Variants in HOOK1 observed in about 807,000 individuals in gnomAD.
The protein encoded by HOOK1 is protein Hook homolog 1.
In HOOK1, 60 loss-of-function variants were observed where a neutral mutation model predicts 112.8. The ratio of observed to expected loss-of-function variants is 0.53; its 90% CI spans 0.43 to 0.66. The LOEUF (loss-of-function observed/expected upper bound fraction) is 0.66, where lower values mean the gene tolerates loss of function less well. HOOK1 is among the 30% of genes least tolerant of loss of function. HOOK1 has a pLI of 0.00. For synonymous variants in HOOK1, 294 were observed against 283.8 expected, an observed-to-expected ratio of 1.04 and a Z score of -0.36; for missense variants, 770 against 856.0, an observed-to-expected ratio of 0.90 and a Z score of 1.25.
At chr1:59,827,333 C>T (rs765160351) in intron 2 of HOOK1, among the ~76,000 whole-genome samples, 22 of 152,110 alleles carry the variant, frequency 1.4e-4, no homozygotes, top group Non-Finnish European at 2.6e-4. Context: ...AAATATCTTC[C>T]CAGCAACATC....
rs773378890 is a variant in HOOK1 at position 59,821,942 on chromosome 1, A to C, written c.148A>C (p.Ile50Leu). Residue 50 changes from isoleucine (I) to leucine (L), a missense_variant and splice_region_variant, in exon 2 of 22, where the codon ATT becomes CTT. Ile to Leu is a conservative substitution (Grantham distance 5, BLOSUM62 2). Transcript: ENST00000371208. ...GVAMAQVLHQ[I>L]DAAWFNESWL... ...TGCCATGGCACAAGTTCTTCATCAA[A>C]TGTGAGTAGTGGTCAGACTCTCCCT... The C allele has an allele frequency of 9.3e-6, 15 of 1,609,486 alleles. 1 individual carries two copies. In the Middle Eastern group the frequency reaches 5.0e-4, roughly 53 times the overall value.
rs1331806796 is a variant in HOOK1 at position 59,851,890 on chromosome 1, G to A, written c.1242+2707G>A. ...CATGCTGTTATCCTAAAAGAGTATC[G>A]GATTTTGTCAGATGCTTTTTCTGGA... is the stretch of plus-strand genomic sequence containing the variant. On this transcript the variant is annotated intron_variant, in intron 12 of 21. Coordinates refer to ENST00000371208, the MANE Select transcript of HOOK1 (RefSeq NM_015888.6). Among the ~76,000 whole-genome samples the A allele has an allele frequency of 9.9e-5, 15 of 151,540 alleles. No individual in the cohort carries two copies. In the East Asian group the frequency reaches 2.5e-3, roughly 25 times the overall value.
chr1:59,827,100 G>T (rs1363519515), intron 2 of HOOK1, among the ~76,000 whole-genome samples: 1 of 152,110 alleles, frequency 6.6e-6, no homozygotes, highest in Non-Finnish European at 1.5e-5. Context: ...TCATGTGATT[G>T]TGGAGGATGA....
At chr1:59,860,395 C>A in intron 15 of HOOK1, 67 bp downstream of exon 15, 1 of 1,348,832 alleles carries the variant, frequency 7.4e-7, no homozygotes, top group South Asian at 1.6e-5. Context: ...TCTTGATTCA[C>A]AGAAATGGAA....
chr1:59,864,677 C>T lies in HOOK1; in HGVS notation c.1661+11C>T, dbSNP rs1179411467. The T allele has an allele frequency of 7.5e-6, 11 of 1,474,940 alleles. No individual in the cohort carries two copies. The highest frequency in any genetic ancestry group is 9.4e-6 in the Non-Finnish European group (10 of 1,064,190). The allele number at this position is 1,474,940 out of a possible 1,614,324, so 91.4% of individuals were successfully genotyped here. A position where few individuals can be genotyped will look rare whatever the true frequency, so the allele number is the denominator to read the frequency against. On this transcript the variant is annotated intron_variant, in intron 17 of 21. Coordinates refer to ENST00000371208, the MANE Select transcript of HOOK1 (RefSeq NM_015888.6). ...GTTGGAAGCTCATATGTAAGTAAAACTGATATTTCTTTTCAAATATGAGAA... is the reference window on the plus strand; with the variant it reads ...GTTGGAAGCTCATATGTAAGTAAAATTGATATTTCTTTTCAAATATGAGAA...
intron 9 of HOOK1, 79 bp downstream of exon 9, chr1:59,843,677 A>T: frequency 1.9e-6 from 2 of 1,064,462 alleles, no homozygotes; most frequent in Non-Finnish European, 2.7e-6. Flanking sequence ...TTAACAGCTA[A>T]TTACTAAGCA....
chr1:59,869,425 CA>C (rs1293294128), intron 20 of HOOK1, among the ~76,000 whole-genome samples: 5 of 152,148 alleles, frequency 3.3e-5, no homozygotes, highest in African/African-American at 7.2e-5. Context: ...CTCCTCACCT[CA>C]AGTGATCTGC....
At chr1:59,847,246 A>G (rs996107216) in intron 10 of HOOK1, 61 bp downstream of exon 10, 2 of 1,375,120 alleles carry the variant, frequency 1.5e-6, no homozygotes, top group Admixed American at 2.2e-5. Context: ...CAATTTGAGT[A>G]TTTCATATTT....
intron 8 of HOOK1, among the ~76,000 whole-genome samples, chr1:59,842,891 T>A (rs2098401731): frequency 6.6e-6 from 1 of 152,054 alleles, no homozygotes; most frequent in Non-Finnish European, 1.5e-5. Context: ...TCGTTTTAAA[T>A]CATAAGCAAA....
At position 59,815,075 on chromosome 1, in the gene HOOK1, G is replaced by A; in HGVS notation, c.-43G>A. The A allele has an allele frequency of 7.2e-7, 1 of 1,380,582 alleles. No individual in the cohort carries two copies. Among genetic ancestry groups the A allele is most frequent in the Non-Finnish European group, 9.3e-7 (1 of 1,074,112 alleles). 85.5% of individuals were successfully genotyped at this position (1,380,582 alleles called of 1,614,324 possible). A position where few individuals can be genotyped will look rare whatever the true frequency, so the allele number is the denominator to read the frequency against. ...CTCCTGGAGGAGAGCCGGTAGGAGG[G>A]AGTGTGAAGGTGTCCGCGGCGTCGT... On this transcript the variant is annotated 5_prime_UTR_variant, in exon 1 of 22. Coordinates refer to ENST00000371208, the MANE Select transcript of HOOK1 (RefSeq NM_015888.6).
At chr1:59,829,449 G>A (rs1418882915) in intron 3 of HOOK1, among the ~76,000 whole-genome samples, 1 of 152,114 alleles carries the variant, frequency 6.6e-6, no homozygotes, top group Admixed American at 6.5e-5. Flanking sequence ...GTATAAGTAT[G>A]TGCTTAACCT....
At position 59,858,424 on chromosome 1, in the gene HOOK1, T is replaced by G. The variant is rs1355812590; in HGVS notation, c.1243-4T>G. ...ACTTTGCTGATATCAACAATTCTTTTCAGAGACTAATTGAGCAGCGTGATA... is the reference window on the plus strand; with the variant it reads ...ACTTTGCTGATATCAACAATTCTTTGCAGAGACTAATTGAGCAGCGTGATA... On this transcript the variant is annotated splice_polypyrimidine_tract_variant and splice_region_variant and intron_variant, in intron 12 of 21. Transcript: ENST00000371208. The G allele has an allele frequency of 1.3e-6, 2 of 1,596,454 alleles. No individual in the cohort carries two copies. Among genetic ancestry groups the G allele is most frequent in the South Asian group, 2.2e-5 (2 of 90,716 alleles).
At chr1:59,855,966 TTATA>T (rs1216966680) in intron 12 of HOOK1, among the ~76,000 whole-genome samples, 5 of 71,260 alleles carry the variant, frequency 7.0e-5, no homozygotes, top group African/African-American at 3.3e-4. Context: ...ATATAAATTA[TTATA>T]TATATATATA....
chr1:59,838,631 T>C (rs529220129), intron 7 of HOOK1, among the ~76,000 whole-genome samples: 35 of 152,316 alleles, frequency 2.3e-4, no homozygotes, highest in Non-Finnish European at 4.9e-4. Context: ...GCAAAATTTT[T>C]TTCCCATTCT....
At chr1:59,834,524 TATAA>T (rs2098396195) in intron 5 of HOOK1, among the ~76,000 whole-genome samples, 1 of 152,184 alleles carries the variant, frequency 6.6e-6, no homozygotes, top group African/African-American at 2.4e-5. Flanking sequence ...ATTTCTCACT[TATAA>T]ATAAAGTTAA....
At chr1:59,854,244 G>T (rs1193453104) in intron 12 of HOOK1, among the ~76,000 whole-genome samples, 1 of 150,290 alleles carries the variant, frequency 6.7e-6, no homozygotes, top group Non-Finnish European at 1.5e-5. Context: ...TAGAGACGGG[G>T]TTTCACCATG....
chr1:59,823,077 T>C (rs1276190154), intron 2 of HOOK1, among the ~76,000 whole-genome samples: 1 of 152,198 alleles, frequency 6.6e-6, no homozygotes, highest in Non-Finnish European at 1.5e-5. Flanking sequence ...TCCCAGCACT[T>C]CGGGAGGCCG....
At chr1:59,849,254 A>G (rs542773569) in intron 12 of HOOK1, 71 bp downstream of exon 12, 49 of 1,003,924 alleles carry the variant, frequency 4.9e-5, no homozygotes, top group Middle Eastern at 5.3e-4. Flanking sequence ...TGCTGTTTCT[A>G]TAATCGTGGT....
chr1:59,830,634 T>C (rs2102017160), intron 3 of HOOK1, among the ~76,000 whole-genome samples: 1 of 152,264 alleles, frequency 6.6e-6, no homozygotes, highest in South Asian at 2.1e-4. Flanking sequence ...TTTTATCCAG[T>C]TTGACAATCT....
Sources: allele counts gnomAD v4.1 joint callset (sites outside exome capture counted in the v4.1 genomes callset), GRCh38; gene constraint gnomAD v4.1.1; transcripts MANE v1.5; gene names NCBI Gene and HGNC (gene_info 2026-07-23, HGNC 2026-07-21).